The following ECHDC1 variants were observed in gnomAD, a reference collection of about 807,000 sequenced individuals.
ECHDC1 encodes ethylmalonyl-CoA decarboxylase 1, also known as ethylmalonyl-CoA decarboxylase.
Under a neutral mutation model 29.7 loss-of-function variants are expected in ECHDC1, and 29 were observed. The ratio of observed to expected loss-of-function variants is 0.98; its 90% CI spans 0.73 to 1.33. The LOEUF (loss-of-function observed/expected upper bound fraction) is 1.33. Among genes scored for constraint, ECHDC1 ranks in the 40% most tolerant of loss-of-function variants. The pLI is 0.00. For missense variants in ECHDC1, 328 were observed against 350.0 expected, an observed-to-expected ratio of 0.94 and a Z score of 0.50; for synonymous variants, 126 against 123.1, an observed-to-expected ratio of 1.02 and a Z score of -0.15.
chr6:127,296,569 A>G (rs529865532), intron 5 of ECHDC1, among the ~76,000 whole-genome samples: 2 of 152,320 alleles, frequency 1.3e-5, no homozygotes, highest in African/African-American at 4.8e-5. Context: ...ACAGATAATG[A>G]CATTATCCCT....
rs1779838335 is a variant in ECHDC1 at position 127,288,777 on chromosome 6, G to T, written c.*1092C>A. 6.6e-6 allele frequency: 1 copy of T among 152,040 alleles called. No homozygotes were observed. The highest frequency in any genetic ancestry group is 1.5e-5 in the Non-Finnish European group (1 of 67,946). 9.4% of individuals were successfully genotyped at this position (152,040 alleles called of 1,614,324 possible). A position where few individuals can be genotyped will look rare whatever the true frequency, so the allele number is the denominator to read the frequency against. On this transcript the variant is annotated 3_prime_UTR_variant, in exon 6 of 6. Transcript: ENST00000454859. ...ATCTATGGCCAAATAGTATTGGGTT[G>T]ACACAGTAATCTAGAGTTTACCTCT...
At chr6:127,291,407 A>G (rs1780169148) in intron 5 of ECHDC1, among the ~76,000 whole-genome samples, 1 of 151,842 alleles carries the variant, frequency 6.6e-6, no homozygotes, top group African/African-American at 2.4e-5. Context: ...CAGGGATACC[A>G]GTAAGAAAGT....
At chr6:127,332,373 A>G (rs1763047127) in intron 1 of ECHDC1, among the ~76,000 whole-genome samples, 1 of 152,194 alleles carries the variant, frequency 6.6e-6, no homozygotes, top group African/African-American at 2.4e-5. Flanking sequence ...CAACCAATTC[A>G]GAATATTTAT....
chr6:127,294,977 C>G (rs1582927164), intron 5 of ECHDC1, among the ~76,000 whole-genome samples: 2 of 149,430 alleles, frequency 1.3e-5, no homozygotes, highest in East Asian at 3.9e-4. Flanking sequence ...GAGACAGAGT[C>G]TCACTCTGTT....
chr6:127,329,777 T>A, intron 2 of ECHDC1: 2 of 336,142 alleles, frequency 5.9e-6, no homozygotes, highest in South Asian at 4.6e-5. Context: ...TAAATTTTTT[T>A]AAACTATGGT....
intron 1 of ECHDC1, among the ~76,000 whole-genome samples, chr6:127,333,128 T>G (rs931076147): frequency 6.6e-6 from 1 of 152,172 alleles, no homozygotes; most frequent in Non-Finnish European, 1.5e-5. Flanking sequence ...CCTATGAACA[T>G]AAGCTATCGG....
rs1779894596 is a variant in ECHDC1, at chr6:127,289,176, A to G, written c.*693T>C. 6.6e-6 allele frequency: 1 copy of G among 152,082 alleles called. No individual in the cohort carries two copies. The highest frequency in any genetic ancestry group is 1.5e-5 in the Non-Finnish European group (1 of 67,976). The allele number at this position is 152,082 out of a possible 1,614,324, so 9.4% of individuals were successfully genotyped here. On this transcript the variant is annotated 3_prime_UTR_variant, in exon 6 of 6. Transcript: ENST00000454859. Reference sequence around the variant, plus strand: ...TCAAGTGGTTTAAAACTACATCAACAGTAGTTGTTTATTACTAGTTGGAAA... The same window carrying G: ...TCAAGTGGTTTAAAACTACATCAACGGTAGTTGTTTATTACTAGTTGGAAA...
chr6:127,324,140 C>A (rs941177969), intron 3 of ECHDC1, among the ~76,000 whole-genome samples: 3 of 152,102 alleles, frequency 2.0e-5, no homozygotes, highest in African/African-American at 7.2e-5. Flanking sequence ...CCCACTACTG[C>A]ACCCTAATCT....
chr6:127,319,389 C>A (rs1166314302), intron 3 of ECHDC1, among the ~76,000 whole-genome samples: 1 of 152,124 alleles, frequency 6.6e-6, no homozygotes, highest in Non-Finnish European at 1.5e-5. Context: ...CAGTGTCTGA[C>A]ATACAGTAAG....
intron 2 of ECHDC1, among the ~76,000 whole-genome samples, chr6:127,329,154 T>C (rs7756336): frequency 0.73 from 110,939 of 151,890 alleles, 40,683 homozygotes; most frequent in East Asian, 0.78. Flanking sequence ...ATGCTGGCCA[T>C]GAGAATAAGA....
intron 3 of ECHDC1, among the ~76,000 whole-genome samples, chr6:127,319,682 C>T (rs1782681658): frequency 6.6e-6 from 1 of 152,160 alleles, no homozygotes; most frequent in African/African-American, 2.4e-5. Context: ...AAAAGCTAGA[C>T]CTGCTCTAAT....
chr6:127,323,742 T>C (rs190923843), intron 3 of ECHDC1, among the ~76,000 whole-genome samples: 1 of 152,276 alleles, frequency 6.6e-6, no homozygotes, highest in Non-Finnish European at 1.5e-5. Context: ...GGCATGAGAC[T>C]TATGGAATAT....
intron 5 of ECHDC1, among the ~76,000 whole-genome samples, chr6:127,311,955 T>C (rs1314258342): frequency 6.6e-6 from 1 of 151,978 alleles, no homozygotes; most frequent in Non-Finnish European, 1.5e-5. Context: ...GGGAGTTATA[T>C]GTATGATTTC....
chr6:127,318,564 A>T (rs1782579738), intron 3 of ECHDC1, among the ~76,000 whole-genome samples: 1 of 152,222 alleles, frequency 6.6e-6, no homozygotes, highest in Non-Finnish European at 1.5e-5. Flanking sequence ...AAGTGCTTGA[A>T]CAAACTCAGA....
At chr6:127,316,996 T>G (rs542924907) in intron 3 of ECHDC1, among the ~76,000 whole-genome samples, 1 of 152,282 alleles carries the variant, frequency 6.6e-6, no homozygotes, top group South Asian at 2.1e-4. Context: ...TGTCTTTTTT[T>G]TAGCTCACAT....
Position 127,343,455 on chromosome 6 carries a change from G to C in ECHDC1, c.-122C>G, listed in dbSNP as rs1030688761. On this transcript the variant is annotated 5_prime_UTR_variant, in exon 1 of 6. Transcript: ENST00000454859. Reference sequence around the variant, plus strand: ...TGCGCCCCTGTCCTCCGTTCTTGTAGGTCCTCTCCTCTTCTCCGCGTCTTC... The same window carrying C: ...TGCGCCCCTGTCCTCCGTTCTTGTACGTCCTCTCCTCTTCTCCGCGTCTTC... The C allele has an allele frequency of 6.6e-6, 1 of 151,922 alleles. No individual in the cohort carries two copies. The allele number at this position is 151,922 out of a possible 1,614,324, so 9.4% of individuals were successfully genotyped here. A position where few individuals can be genotyped will look rare whatever the true frequency, so the allele number is the denominator to read the frequency against.
intron 3 of ECHDC1, among the ~76,000 whole-genome samples, chr6:127,320,078 C>T (rs969204820): frequency 3.3e-5 from 5 of 152,100 alleles, no homozygotes; most frequent in East Asian, 1.9e-4. Context: ...AGTGCAGTGG[C>T]GTGATCTTGG....
At chr6:127,309,480 AACACACACACACACAC>A (rs58621326) in intron 5 of ECHDC1, among the ~76,000 whole-genome samples, 11,935 of 138,158 alleles carry the variant, frequency 0.086, 1,206 homozygotes, top group East Asian at 0.43. Context: ...CAAACAACAA[AACACACACACACACAC>A]ACACACACAC....
intron 4 of ECHDC1, chr6:127,315,416 T>C: frequency 3.4e-6 from 1 of 294,768 alleles, no homozygotes; most frequent in Non-Finnish European, 6.7e-6. Context: ...CCTGAAATAA[T>C]CCACAGACTA....
Sources: gnomAD v4.1 joint callset for allele counts (sites outside exome capture counted in the v4.1 genomes callset) on GRCh38, gnomAD v4.1.1 for gene constraint, MANE v1.5 for transcripts, NCBI Gene and HGNC (gene_info 2026-07-23, HGNC 2026-07-21) for gene names.